ALS2CL: variants seen among roughly 807,000 people sequenced by gnomAD.
ALS2CL encodes the protein ALS2 C-terminal-like protein.
A neutral mutation model predicts 127.9 loss-of-function variants in ALS2CL; 112 were observed. That is an observed-to-expected ratio of 0.88 (90% CI 0.75 to 1.02). ALS2CL has a LOEUF of 1.02. Among genes scored for constraint, ALS2CL ranks in the 50% least tolerant of loss-of-function variants. The pLI, the probability that ALS2CL is intolerant of heterozygous loss-of-function variation, is 0.00. For synonymous variants in ALS2CL, 519 were observed against 527.6 expected (o/e 0.98, Z 0.22); for missense variants, 1,174 against 1,236.7 (o/e 0.95, Z 0.76).
At position 46,670,873 on chromosome 3, in the gene ALS2CL, A is replaced by G; in HGVS notation, c.*111T>C. 1 of 1,140,538 alleles carries G rather than the reference A, an allele frequency of 8.8e-7. No individual in the cohort carries two copies. The highest frequency in any genetic ancestry group is 1.3e-6 in the Non-Finnish European group (1 of 768,720). 70.7% of individuals were successfully genotyped at this position (1,140,538 alleles called of 1,614,324 possible). ...TCTTCCTGTGCAAAACAAAATGCTC[A>G]TCTCCTCCAAGAGCTGCTTCTGAGG... On this transcript the variant is annotated 3_prime_UTR_variant, in exon 26 of 26. Transcript: ENST00000318962. This position sits in a 1 kb window ranked among gnomAD's most constrained non-coding sequence, Gnocchi z 5.5.
At chr3:46,688,786 C>G (rs1031701189) in intron 2 of ALS2CL, among the ~76,000 whole-genome samples, 2 of 152,240 alleles carry the variant, frequency 1.3e-5, no homozygotes, top group Non-Finnish European at 1.5e-5. Context: ...CCGGCACCAT[C>G]AGGTGCCCTA....
rs1699393940 is a variant in ALS2CL at position 46,682,046 on chromosome 3, G to A, written c.1158C>T (p.Cys386=). The change falls in exon 11 of 26, where the codon TGC becomes TGT. Residue 386 remains cysteine (C), a synonymous_variant. Coordinates refer to ENST00000318962, the MANE Select transcript of ALS2CL (RefSeq NM_147129.5). ...PDGRNHVGNF[C]QGLEHGFGIR... ...AGCCTTACCCATGCTCCAGGCCCTG[G>A]CAGAAATTCCCCACGTGATTCCGCC... is the stretch of plus-strand genomic sequence containing the variant. The A allele has an allele frequency of 1.2e-6, 2 of 1,613,918 alleles. No individual in the cohort carries two copies. The highest frequency in any genetic ancestry group is 1.7e-5 in the Admixed American group (1 of 59,988).
intron 18 of ALS2CL, 41 bp from the exon 19 acceptor site, chr3:46,676,443 G>A: frequency 1.2e-6 from 2 of 1,610,040 alleles, no homozygotes; most frequent in South Asian, 1.1e-5. Context: ...CTAAGCACTG[G>A]GGTCTGGAGC....
intron 15 of ALS2CL, among the ~76,000 whole-genome samples, chr3:46,678,956 G>A (rs1272286169): frequency 1.3e-5 from 2 of 152,150 alleles, no homozygotes; most frequent in East Asian, 3.9e-4. Context: ...GAACTAGGAG[G>A]GTATGGAGGG....
rs1404384926 is a variant in ALS2CL at position 46,687,731 on chromosome 3, A to G, written c.303-47T>C. 8 of 1,575,620 alleles carry G rather than the reference A, an allele frequency of 5.1e-6. No homozygotes were observed. In the South Asian group the frequency reaches 8.2e-5, roughly 16 times the overall value. ...CCCTGCAAACCCAGTCCTCAGCCCC[A>G]GACCTAAGCCCCTGGTCCCTGGGAT... On this transcript the variant is annotated intron_variant, in intron 3 of 25. Transcript: ENST00000318962.
chr3:46,673,258 A>G, intron 22 of ALS2CL, 81 bp downstream of exon 22: 1 of 949,486 alleles, frequency 1.1e-6, no homozygotes, highest in Non-Finnish European at 1.5e-6. Context: ...GCCTCCGCCC[A>G]GCAATCATGA....
rs377241827 is a variant in ALS2CL, at chr3:46,672,160, G to A, written c.2514C>T (p.Thr838=). Reference sequence around the variant, plus strand: ...CTCACATGATCTTCTGCAGGCACTCGGTGGCTGACAGGAAACACTTGTCCC... The same window carrying A: ...CTCACATGATCTTCTGCAGGCACTCAGTGGCTGACAGGAAACACTTGTCCC... The part of the protein sequence containing the change: ...LVRDKCFLSA[T]ECLQKIMTTV... Residue 838 remains threonine, a synonymous_variant, in exon 23 of 26, where the codon ACC becomes ACT. Coordinates refer to ENST00000318962, the MANE Select transcript of ALS2CL (RefSeq NM_147129.5). 104 of 1,614,082 alleles carry A rather than the reference G, an allele frequency of 6.4e-5. 1 individual carries two copies. In the South Asian group the frequency reaches 7.8e-4, roughly 12 times the overall value.
Position 46,681,542 on chromosome 3 carries a change from C to T in ALS2CL, c.1232G>A (p.Cys411Tyr), listed in dbSNP as rs1699345875. The change falls in exon 12 of 26, where the codon TGT becomes TAT. Residue 411 changes from cysteine to tyrosine, a missense_variant. Coordinates refer to ENST00000318962, the MANE Select transcript of ALS2CL (RefSeq NM_147129.5). This position sits in a 1 kb window ranked among gnomAD's most constrained non-coding sequence, Gnocchi z 4.9. The stretch of plus-strand genomic sequence containing the variant: ...ACACATGCTGCCTTCTCGCCAGTGA[C>T]ACTTGTAACAGTCGAACTTGTCCTC... The part of the protein sequence containing the change: ...ASEDKFDCYK[C>Y]HWREGSMCGY... 6.2e-7 allele frequency: 1 copy of T among 1,614,158 alleles called. No individual in the cohort carries two copies. Among genetic ancestry groups the T allele is most frequent in the East Asian group, 2.2e-5 (1 of 44,882 alleles).
chr3:46,689,194 C>T, intron 2 of ALS2CL, 144 bp downstream of exon 2: 1 of 804,070 alleles, frequency 1.2e-6, no homozygotes, highest in Non-Finnish European at 2.1e-6. Context: ...GCACCACCTG[C>T]ATCAGAAGAT....
chr3:46,676,555 C>A, intron 18 of ALS2CL, 87 bp downstream of exon 18: 1 of 1,549,604 alleles, frequency 6.5e-7, no homozygotes, highest in South Asian at 1.2e-5. Flanking sequence ...CCCCTTCAGT[C>A]AGCACCCTGC....
chr3:46,673,287 G>A (rs1698552444), intron 22 of ALS2CL, 52 bp downstream of exon 22: 3 of 1,452,802 alleles, frequency 2.1e-6, no homozygotes, highest in East Asian at 5.8e-5. Flanking sequence ...GCTCCTCAAA[G>A]CCTGCAGGAC....
intron 2 of ALS2CL, among the ~76,000 whole-genome samples, 170 bp from the exon 3 acceptor site, chr3:46,688,466 A>T (rs978814393): frequency 1.6e-4 from 24 of 152,130 alleles, no homozygotes; most frequent in African/African-American, 5.8e-4. Context: ...TGAACCCTAG[A>T]GCTGAGCAGG....
chr3:46,680,999 A>G, intron 13 of ALS2CL: 1 of 620,776 alleles, frequency 1.6e-6, no homozygotes, highest in Non-Finnish European at 2.9e-6. Context: ...GACGTGACAG[A>G]GCAGGGGGTC....
At chr3:46,673,225 T>C (rs1244080793) in intron 22 of ALS2CL, 114 bp downstream of exon 22, 31 of 452,532 alleles carry the variant, frequency 6.9e-5, no homozygotes, top group Non-Finnish European at 9.9e-5. Context: ...CAACCCACCC[T>C]GCCCCTCCCC....
At chr3:46,691,246 T>A (rs994168460) in intron 1 of ALS2CL, among the ~76,000 whole-genome samples, 1 of 152,186 alleles carries the variant, frequency 6.6e-6, no homozygotes, top group Non-Finnish European at 1.5e-5. Context: ...GGTGACCTTT[T>A]CACTCTCAGC....
intron 24 of ALS2CL, 84 bp downstream of exon 24, chr3:46,671,800 T>C (rs895197186): frequency 7.0e-5 from 111 of 1,579,034 alleles, no homozygotes; most frequent in Non-Finnish European, 9.4e-5. Flanking sequence ...CCATAAACCC[T>C]GGGGTTCAGA....
chr3:46,682,068 C>T lies in ALS2CL; in HGVS notation c.1136G>A (p.Arg379Gln), dbSNP rs1229107730. ...GKGTLKWPDGRNHVGNFCQGL... is the reference protein window; with the variant it reads ...GKGTLKWPDGQNHVGNFCQGL... ...CTGGCAGAAATTCCCCACGTGATTC[C>T]GCCCATCCGGCCATTTCAGGGTTCC... The change falls in exon 11 of 26, where the codon CGG becomes CAG. Residue 379 changes from arginine to glutamine, a missense_variant. Arg to Gln is a conservative substitution (Grantham distance 43). Coordinates refer to ENST00000318962, the MANE Select transcript of ALS2CL (RefSeq NM_147129.5). 1.9e-6 allele frequency: 3 copies of T among 1,614,020 alleles called. No individual in the cohort carries two copies. Among genetic ancestry groups the T allele is most frequent in the Non-Finnish European group, 1.7e-6 (2 of 1,179,968 alleles).
chr3:46,673,541 G>C (rs1206212503), intron 21 of ALS2CL, among the ~76,000 whole-genome samples, 160 bp from the exon 22 acceptor site: 1 of 152,198 alleles, frequency 6.6e-6, no homozygotes, highest in Non-Finnish European at 1.5e-5. Context: ...AAGGATTCCT[G>C]GAGAAGGCAG....
At chr3:46,683,933 G>A (rs1016930832) in intron 8 of ALS2CL, 56 bp downstream of exon 8, 1 of 1,613,190 alleles carries the variant, frequency 6.2e-7, no homozygotes, top group Non-Finnish European at 8.5e-7. Context: ...GTGTGGGCAG[G>A]TGTCATGGGG....
Sources: gnomAD v4.1 joint callset for allele counts (sites outside exome capture counted in the v4.1 genomes callset) on GRCh38, gnomAD v4.1.1 for gene constraint, Gnocchi (gnomAD v3.1) non-coding constraint, MANE v1.5 for transcripts, NCBI Gene and HGNC (gene_info 2026-07-23, HGNC 2026-07-21) for gene names.